CHN2: variants seen among roughly 807,000 people sequenced by gnomAD.
CHN2 encodes the protein chimerin 2.
In CHN2, 35 loss-of-function variants were observed where a neutral mutation model predicts 56.3. That is an observed-to-expected ratio of 0.62 (90% confidence interval 0.47 to 0.82). The LOEUF is 0.82. CHN2 is among the 40% of genes least tolerant of loss of function. The pLI, the probability that CHN2 is intolerant of heterozygous loss-of-function variation, is 0.00. For missense variants in CHN2, 491 were observed against 580.5 expected, an observed-to-expected ratio of 0.85 and a Z score of 1.58; for synonymous variants, 210 against 212.8, an observed-to-expected ratio of 0.99 and a Z score of 0.12.
At position 29,415,604 on chromosome 7, in the gene CHN2, G is replaced by A. The variant is rs574167587; in HGVS notation, c.576+14776G>A. ...CACAGTTGGTGGAGGGGAAGGCTGC[G>A]AGGAGGGAGATGGCCAGGTTGGAGA... On this transcript the variant is annotated intron_variant, in intron 6 of 12. Coordinates refer to ENST00000222792, the MANE Select transcript of CHN2 (RefSeq NM_004067.4). Among the ~76,000 whole-genome samples, 7 of 152,278 alleles carry A rather than the reference G, an allele frequency of 4.6e-5. No individual in the cohort carries two copies. In the East Asian group the frequency reaches 9.7e-4, roughly 21 times the overall value.
Position 29,220,280 on chromosome 7 carries a change from A to G in CHN2, c.49+25290A>G, listed in dbSNP as rs73074527. Among the ~76,000 whole-genome samples the G allele has an allele frequency of 1.7e-3, 236 of 138,164 alleles. 1 individual carries two copies. The highest frequency in any genetic ancestry group is 5.3e-3 in the African/African-American group (195 of 36,962). The allele number at this position is 138,164 out of a possible 152,430, so 90.6% of individuals were successfully genotyped here. A position where few individuals can be genotyped will look rare whatever the true frequency, so the allele number is the denominator to read the frequency against. Reference sequence around the variant, plus strand: ...GGGAGACCCTGTCTTAAAAAAAAAAAAGAGAGAGAGAGAGAGAGAGAAAGC... The same window carrying G: ...GGGAGACCCTGTCTTAAAAAAAAAAGAGAGAGAGAGAGAGAGAGAGAAAGC... On this transcript the variant is annotated intron_variant, in intron 1 of 12. Transcript: ENST00000222792.
intron 2 of CHN2, chr7:29,186,671 A>G (rs547641466): frequency 6.6e-6 from 1 of 152,328 alleles, no homozygotes; most frequent in South Asian, 2.1e-4. Flanking sequence ...AAACATGAGT[A>G]TTCAAGCAAA....
At chr7:29,511,765 C>A (rs1437444299) in intron 12 of CHN2, among the ~76,000 whole-genome samples, 1 of 151,874 alleles carries the variant, frequency 6.6e-6, no homozygotes, top group Non-Finnish European at 1.5e-5. Flanking sequence ...TTTGGAGAAC[C>A]CATTCCCTTT....
chr7:29,394,136 C>G (rs994463402), intron 4 of CHN2, among the ~76,000 whole-genome samples: 1 of 152,304 alleles, frequency 6.6e-6, no homozygotes, highest in East Asian at 1.9e-4. Context: ...AGGCATCCCA[C>G]TTCTCTGCAG....
intron 2 of CHN2, among the ~76,000 whole-genome samples, chr7:29,154,057 AC>A (rs1399788972): frequency 6.6e-6 from 1 of 152,192 alleles, no homozygotes; most frequent in African/African-American, 2.4e-5. Context: ...TTTTGACTGC[AC>A]AGGGGGTTGA....
intron 7 of CHN2, among the ~76,000 whole-genome samples, chr7:29,487,541 T>C (rs1946133): frequency 0.24 from 36,373 of 152,068 alleles, 4,790 homozygotes; most frequent in Admixed American, 0.3. Context: ...TAGACTATTA[T>C]ACAGGATGGT....
intron 1 of CHN2, among the ~76,000 whole-genome samples, chr7:29,245,016 G>C (rs1787962281): frequency 6.6e-6 from 1 of 152,112 alleles, no homozygotes; most frequent in Non-Finnish European, 1.5e-5. Flanking sequence ...ATTACCTATG[G>C]TTTCTTGAAC....
In CHN2 at chr7:29,485,051, C is replaced by G. The variant is rs558843121; in HGVS notation, c.654+4695C>G. Among the ~76,000 whole-genome samples, 7 of 151,484 alleles carry G rather than the reference C, an allele frequency of 4.6e-5. No homozygotes were observed. In the South Asian group the frequency reaches 1.5e-3, roughly 32 times the overall value. On this transcript the variant is annotated intron_variant, in intron 7 of 12. Coordinates refer to ENST00000222792, the MANE Select transcript of CHN2 (RefSeq NM_004067.4). ...GGTGAAACTTAGTTATTCTTTGTCT[C>G]TTATCTTTACCAAGCATTTCTTCAT...
chr7:29,299,421 G>C (rs1050721910), intron 1 of CHN2, among the ~76,000 whole-genome samples: 14 of 152,188 alleles, frequency 9.2e-5, no homozygotes, highest in African/African-American at 3.4e-4. Context: ...CAAAGGATTT[G>C]CAGTCAGGTT....
At chr7:29,345,442 C>T (rs1251442739) in intron 1 of CHN2, among the ~76,000 whole-genome samples, 1 of 152,002 alleles carries the variant, frequency 6.6e-6, no homozygotes, top group Non-Finnish European at 1.5e-5. Flanking sequence ...CTCTGAGGAG[C>T]CAGAGCATTT....
intron 6 of CHN2, among the ~76,000 whole-genome samples, chr7:29,436,448 G>A (rs1465399070): frequency 6.6e-6 from 1 of 152,136 alleles, no homozygotes; most frequent in Non-Finnish European, 1.5e-5. Context: ...GAAAAAAGCT[G>A]CCAACTTATA....
At chr7:29,147,596 C>T (rs1194901447) in intron 2 of CHN2, among the ~76,000 whole-genome samples, 2 of 152,186 alleles carry the variant, frequency 1.3e-5, no homozygotes, top group Non-Finnish European at 2.9e-5. Flanking sequence ...AATCACCCAG[C>T]ACAAAGTATG....
chr7:29,254,125 G>T (rs974181563), intron 1 of CHN2, among the ~76,000 whole-genome samples: 2 of 152,210 alleles, frequency 1.3e-5, no homozygotes, highest in East Asian at 3.9e-4. Flanking sequence ...GGCTGGTTTC[G>T]AACTCCTGAC....
intron 1 of CHN2, among the ~76,000 whole-genome samples, chr7:29,270,232 G>A (rs1256018354): frequency 1.3e-5 from 2 of 152,032 alleles, no homozygotes; most frequent in African/African-American, 4.8e-5. Context: ...TAGTCTTATT[G>A]TTTCAGTCCC....
At chr7:29,307,178 C>A (rs1490623375) in intron 1 of CHN2, among the ~76,000 whole-genome samples, 3 of 152,182 alleles carry the variant, frequency 2.0e-5, no homozygotes, top group Non-Finnish European at 4.4e-5. Context: ...TCCCAACTTA[C>A]AATCACTTCA....
intron 7 of CHN2, among the ~76,000 whole-genome samples, chr7:29,488,779 G>A (rs1788328996): frequency 6.6e-6 from 1 of 152,052 alleles, no homozygotes; most frequent in African/African-American, 2.4e-5. Context: ...TTTAGTGGGT[G>A]GAGGCCAGCG....
chr7:29,273,425 G>C (rs973852610), intron 1 of CHN2, among the ~76,000 whole-genome samples: 3 of 140,884 alleles, frequency 2.1e-5, no homozygotes, highest in Non-Finnish European at 4.6e-5. Flanking sequence ...TCGTTCATCA[G>C]TGGGCATTTA....
At chr7:29,211,450 G>GCGCACA (rs1239885302) in intron 1 of CHN2, among the ~76,000 whole-genome samples, 13 of 138,360 alleles carry the variant, frequency 9.4e-5, no homozygotes, top group African/African-American at 2.1e-4. Context: ...CTGCATGTTG[G>GCGCACA]CACACACACA....
At chr7:29,255,427 G>A (rs1788991878) in intron 1 of CHN2, among the ~76,000 whole-genome samples, 1 of 152,140 alleles carries the variant, frequency 6.6e-6, no homozygotes, top group Non-Finnish European at 1.5e-5. Context: ...GGAGGAGACG[G>A]AACACCCTCC....
Sources: allele counts gnomAD v4.1 joint callset (sites outside exome capture counted in the v4.1 genomes callset), GRCh38; gene constraint gnomAD v4.1.1; transcripts MANE v1.5; gene names NCBI Gene and HGNC (gene_info 2026-07-23, HGNC 2026-07-21).